Variants in MRE11 observed in about 807,000 individuals in gnomAD.
MRE11 encodes MRE11 double strand break repair nuclease.
MRE11 carries 62 observed loss-of-function variants against 91.7 expected under a neutral mutation model. The ratio of observed to expected loss-of-function variants is 0.68; its 90% CI spans 0.55 to 0.84. MRE11 has a LOEUF of 0.84. MRE11 is among the 40% of genes least tolerant of loss of function. The pLI, the probability that MRE11 is intolerant of heterozygous loss-of-function variation, is 0.00. For missense variants in MRE11, 796 were observed against 852.9 expected (o/e 0.93, Z 0.83); for synonymous variants, 273 against 271.4 (o/e 1.01, Z -0.06).
intron 14 of MRE11, among the ~76,000 whole-genome samples, chr11:94,453,881 G>GTT (rs991561960): frequency 6.6e-6 from 1 of 151,622 alleles, no homozygotes; most frequent in African/African-American, 2.4e-5. Context: ...AACGACTGTG[G>GTT]GTAAGACTAA....
In MRE11 at chr11:94,464,215, G is replaced by A. The variant is rs1946500512; in HGVS notation, c.1123C>T (p.Pro375Ser). The change falls in exon 11 of 20, where the codon CCT becomes TCT. Residue 375 changes from proline (P) to serine (S), a missense_variant. Coordinates refer to ENST00000323929, the MANE Select transcript of MRE11 (RefSeq NM_005591.4). ...TGGCTAAAGCGAAGAACACTGAAAG[G>A]TTCAAAACCTCCACTATAGTCCACC... ...LRVDYSGGFE[P>S]FSVLRFSQKF... 1.9e-6 allele frequency: 3 copies of A among 1,613,866 alleles called. No individual in the cohort carries two copies. The highest frequency in any genetic ancestry group is 1.7e-4 in the Middle Eastern group (1 of 6,058).
At chr11:94,447,556 C>G in intron 14 of MRE11, 118 bp from the exon 15 acceptor site, 1 of 1,015,294 alleles carries the variant, frequency 9.8e-7, no homozygotes, top group Non-Finnish European at 1.5e-6. Flanking sequence ...GAGGCTGACA[C>G]AGTGGCTCAC....
chr11:94,485,853 GTGT>G lies in MRE11; in HGVS notation c.314+68_314+70del, dbSNP rs1947126710. 4 of 1,422,430 alleles carry G rather than the reference GTGT, an allele frequency of 2.8e-6. No individual in the cohort carries two copies. In the East Asian group the frequency reaches 9.2e-5, roughly 33 times the overall value. 88.1% of individuals were successfully genotyped at this position (1,422,430 alleles called of 1,614,324 possible). Reference sequence around the variant, plus strand: ...CTTATATGGAAGGCAAAACAGTTGTGTGTTTACGTGTCTTATACAGCAAATACC... The same window carrying G: ...CTTATATGGAAGGCAAAACAGTTGTGTTACGTGTCTTATACAGCAAATACC... On this transcript the variant is annotated intron_variant, in intron 4 of 19. Coordinates refer to ENST00000323929, the MANE Select transcript of MRE11 (RefSeq NM_005591.4).
chr11:94,478,782 G>T lies in MRE11; in HGVS notation c.497C>A (p.Pro166Gln). The T allele has an allele frequency of 1.2e-6, 2 of 1,613,448 alleles. No homozygotes were observed. Among genetic ancestry groups the T allele is most frequent in the Non-Finnish European group, 8.5e-7 (1 of 1,179,856 alleles). The stretch of plus-strand genomic sequence containing the variant: ...TGTGCTTCCTTTTTGAAGCAAAACC[G>T]GACTAATGTCTATCTTCTCCACAGA... The part of the protein sequence containing the change: ...SMSVEKIDIS[P>Q]VLLQKGSTKI... Residue 166 changes from proline to glutamine, a missense_variant, in exon 6 of 20, where the codon CCG (proline) becomes CAG (glutamine). Coordinates refer to ENST00000323929, the MANE Select transcript of MRE11 (RefSeq NM_005591.4).
intron 14 of MRE11, among the ~76,000 whole-genome samples, chr11:94,453,668 T>C (rs945905374): frequency 6.6e-6 from 1 of 152,220 alleles, no homozygotes; most frequent in Non-Finnish European, 1.5e-5. Context: ...GGTTTTTTTG[T>C]TATTGTTACT....
intron 16 of MRE11, among the ~76,000 whole-genome samples, chr11:94,438,838 G>GT (rs1945697101): frequency 6.6e-6 from 1 of 152,164 alleles, no homozygotes; most frequent in Non-Finnish European, 1.5e-5. Flanking sequence ...ACTTCATGCA[G>GT]AAAACTGCTG....
At chr11:94,496,926 T>C (rs1355754239), upstream of MRE11, 1 of 1,613,650 alleles carries the variant, frequency 6.2e-7, no homozygotes. Flanking sequence ...AGCAGATTGC[T>C]TCTTTGGGCT....
rs906330169 is a variant in MRE11 at position 94,435,710 on chromosome 11, C to T, written c.1994+122G>A. The T allele has an allele frequency of 2.8e-5, 22 of 788,642 alleles. No individual in the cohort carries two copies. The African/African-American group carries it at 3.6e-4, about 13-fold the overall frequency. 48.9% of individuals were successfully genotyped at this position (788,642 alleles called of 1,614,324 possible). On this transcript the variant is annotated intron_variant, in intron 18 of 19. Coordinates refer to ENST00000323929, the MANE Select transcript of MRE11 (RefSeq NM_005591.4). ...TGGTCTGTTTTCATTCCTCTACATA[C>T]TTTACTAGTTGAAAATAAGTCTGTT...
chr11:94,471,849 T>G, intron 7 of MRE11, 90 bp from the exon 8 acceptor site: 1 of 1,061,244 alleles, frequency 9.4e-7, no homozygotes, highest in Non-Finnish European at 1.4e-6. Flanking sequence ...CTCCATTCAC[T>G]AAAGATTTTA....
rs887313146 is a variant in MRE11, at chr11:94,417,472, A to G, written c.*2653T>C. 4.3e-6 allele frequency: 1 copy of G among 232,876 alleles called. No individual in the cohort carries two copies. Among genetic ancestry groups the G allele is most frequent in the African/African-American group, 2.2e-5 (1 of 45,334 alleles). The allele number at this position is 232,876 out of a possible 1,614,324, so 14.4% of individuals were successfully genotyped here. On this transcript the variant is annotated 3_prime_UTR_variant, in exon 20 of 20. Transcript: ENST00000323929. Reference sequence around the variant, plus strand: ...AAGGCTAATTATGGTATTACTGCATAGGTTTAGTATTAATGCATATGTTCT... The same window carrying G: ...AAGGCTAATTATGGTATTACTGCATGGGTTTAGTATTAATGCATATGTTCT...
In MRE11 at chr11:94,460,042, T is replaced by G. The variant is rs185485357; in HGVS notation, c.1327-461A>C. Reference sequence around the variant, plus strand: ...GCACAAGAGGGAGGCAGATGGGAGCTGGAAGGAAAAATAACTCTGGGGAAA... The same window carrying G: ...GCACAAGAGGGAGGCAGATGGGAGCGGGAAGGAAAAATAACTCTGGGGAAA... On this transcript the variant is annotated intron_variant, in intron 12 of 19. Transcript: ENST00000323929. Among the ~76,000 whole-genome samples the G allele has an allele frequency of 3.6e-3, 544 of 152,002 alleles. 5 individuals are homozygous for G. The highest frequency in any genetic ancestry group is 0.01 in the Middle Eastern group (3 of 294).
chr11:94,507,214 G>A, the MRE11 span, among the ~76,000 whole-genome samples: 526 of 152,138 alleles, frequency 3.5e-3, 7 homozygotes, highest in African/African-American at 0.012. Context: ...CTACATAAAT[G>A]TAATAACTTA....
At position 94,419,465 on chromosome 11, in the gene MRE11, G is replaced by GGGGGGAGAGAGA. The variant is rs373002609; in HGVS notation, c.*659_*660insTCTCTCTCCCCC. 1.0e-5 allele frequency: 2 copies of GGGGGGAGAGAGA among 196,690 alleles called. No individual in the cohort carries two copies. The highest frequency in any genetic ancestry group is 1.5e-4 in the East Asian group (2 of 13,046). The allele number at this position is 196,690 out of a possible 1,614,324, so 12.2% of individuals were successfully genotyped here. On this transcript the variant is annotated 3_prime_UTR_variant, in exon 20 of 20. Transcript: ENST00000323929. ...GAAGAGTGGGGAACGGGGGGGAGAG[G>GGGGGGAGAGAGA]GAGAGAGAGAGAGAGAGAGAGAGAG...
Position 94,464,243 on chromosome 11 carries a change from A to G in MRE11, c.1099-4T>C, listed in dbSNP as rs1271496039. On this transcript the variant is annotated splice_polypyrimidine_tract_variant and splice_region_variant and intron_variant, in intron 10 of 19. Coordinates refer to ENST00000323929, the MANE Select transcript of MRE11 (RefSeq NM_005591.4). ...CAAAACCTCCACTATAGTCCACCTG[A>G]AAACACAGAATAATCTATGAACGCT... The G allele has an allele frequency of 1.2e-6, 2 of 1,613,892 alleles. No homozygotes were observed. Among genetic ancestry groups the G allele is most frequent in the Non-Finnish European group, 1.7e-6 (2 of 1,179,876 alleles).
chr11:94,495,065 T>C (rs982700630), upstream of MRE11, among the ~76,000 whole-genome samples: 7 of 152,194 alleles, frequency 4.6e-5, no homozygotes, highest in Non-Finnish European at 2.9e-5. Context: ...TTAGGAATAC[T>C]TTAGTAAAAT....
At chr11:94,453,792 C>A (rs1177496137) in intron 14 of MRE11, among the ~76,000 whole-genome samples, 1 of 151,846 alleles carries the variant, frequency 6.6e-6, no homozygotes, top group Non-Finnish European at 1.5e-5. Flanking sequence ...TTGATAGTGC[C>A]TGGTATTATA....
At chr11:94,478,295 C>T (rs972069171) in intron 6 of MRE11, among the ~76,000 whole-genome samples, 1 of 152,118 alleles carries the variant, frequency 6.6e-6, no homozygotes, top group African/African-American at 2.4e-5. Context: ...TCACTTCCTG[C>T]TCTTTCACTT....
At chr11:94,478,681 C>G in intron 6 of MRE11, 54 bp downstream of exon 6, 1 of 1,599,464 alleles carries the variant, frequency 6.3e-7, no homozygotes, top group Non-Finnish European at 8.5e-7. Flanking sequence ...CCAAATTTCT[C>G]AATTGTTTAA....
At chr11:94,452,325 G>GT (rs1377208944) in intron 14 of MRE11, among the ~76,000 whole-genome samples, 5 of 150,836 alleles carry the variant, frequency 3.3e-5, no homozygotes, top group African/African-American at 9.9e-5. Context: ...AGACTCATTA[G>GT]TAAAAAAAAG....
Sources: allele counts gnomAD v4.1 joint callset (sites outside exome capture counted in the v4.1 genomes callset), GRCh38; gene constraint gnomAD v4.1.1; transcripts MANE v1.5; gene names NCBI Gene and HGNC (gene_info 2026-07-23, HGNC 2026-07-21).